Variants in ATRX observed in about 807,000 individuals in gnomAD.
ATRX encodes ATRX chromatin remodeler, also known as chromatin remodeler ATRX.
ATRX carries 12 observed loss-of-function variants against 172.6 expected under a neutral mutation model. That is an observed-to-expected ratio of 0.07 (90% confidence interval 0.04 to 0.11). The LOEUF is 0.11. ATRX is among the 10% of genes least tolerant of loss of function. The pLI, the probability that ATRX is intolerant of heterozygous loss-of-function variation, is 1.00. For synonymous variants in ATRX, 674 were observed against 594.7 expected (o/e 1.13, Z -1.94); for missense variants, 1,368 against 1,767.4 (o/e 0.77, Z 4.05).
intron 22 of ATRX, among the ~76,000 whole-genome samples, chrX:77,610,325 T>C (rs1432840356): frequency 8.9e-6 from 1 of 112,041 alleles, no homozygotes; most frequent in Non-Finnish European, 1.9e-5. Context: ...GAGAAAGCCA[T>C]TGAGTTTTAC....
At chrX:77,568,109 A>G (rs1231548173) in intron 28 of ATRX, among the ~76,000 whole-genome samples, 1 of 110,265 alleles carries the variant, frequency 9.1e-6, no homozygotes, top group Non-Finnish European at 1.9e-5. Context: ...CTACCTCCAG[A>G]AAGTAGAACA....
intron 2 of ATRX, among the ~76,000 whole-genome samples, chrX:77,712,376 T>C (rs1250862129): frequency 7.1e-5 from 8 of 112,354 alleles, no homozygotes; most frequent in African/African-American, 2.3e-4. Context: ...GTTCCTCAAC[T>C]AGTGAACACA....
intron 12 of ATRX, among the ~76,000 whole-genome samples, chrX:77,659,774 T>C (rs1345819872): frequency 2.7e-5 from 3 of 111,949 alleles, no homozygotes; most frequent in African/African-American, 9.7e-5. Flanking sequence ...ACCTCTTCAA[T>C]GCATTTCAAT....
intron 15 of ATRX, among the ~76,000 whole-genome samples, chrX:77,642,896 A>G (rs1157613166): frequency 2.7e-5 from 3 of 111,330 alleles, no homozygotes; most frequent in African/African-American, 9.8e-5. Flanking sequence ...AACTAGGCCT[A>G]GACAGGAGAA....
At chrX:77,656,717 T>A in intron 12 of ATRX, 64 bp from the exon 13 acceptor site, 1 of 907,828 alleles carries the variant, frequency 1.1e-6, no homozygotes, top group South Asian at 2.2e-5. Flanking sequence ...ATTCACTTAA[T>A]TTACCACTGA....
chrX:77,546,136 T>C (rs1262858820), intron 30 of ATRX, among the ~76,000 whole-genome samples: 1 of 111,509 alleles, frequency 9.0e-6, no homozygotes, highest in Non-Finnish European at 1.9e-5. Flanking sequence ...GATAGTATAG[T>C]GTAATGGTTA....
intron 1 of ATRX, among the ~76,000 whole-genome samples, chrX:77,746,849 A>T (rs1557185201): frequency 9.0e-6 from 1 of 111,186 alleles, no homozygotes; most frequent in Non-Finnish European, 1.9e-5. Context: ...CCCAGGCTGG[A>T]GTTGCAGTGG....
At chrX:77,554,115 G>A (rs782604868) in intron 30 of ATRX, among the ~76,000 whole-genome samples, 1 of 111,027 alleles carries the variant, frequency 9.0e-6, no homozygotes, top group Admixed American at 9.6e-5. Context: ...GACCAGCCTG[G>A]CCAACATGGT....
chrX:77,772,809 T>C (rs1227211706), intron 1 of ATRX, among the ~76,000 whole-genome samples: 2 of 109,685 alleles, frequency 1.8e-5, no homozygotes, highest in African/African-American at 6.6e-5. Flanking sequence ...TTTTAATGGT[T>C]AAAATGCTAA....
intron 30 of ATRX, among the ~76,000 whole-genome samples, chrX:77,534,269 G>A (rs2063679589): frequency 8.9e-6 from 1 of 111,791 alleles, no homozygotes; most frequent in African/African-American, 3.2e-5. Context: ...GATACAAACT[G>A]TTTCTAAATC....
chrX:77,647,171 G>A (rs1557114248), intron 15 of ATRX, among the ~76,000 whole-genome samples: 1 of 111,491 alleles, frequency 9.0e-6, no homozygotes, highest in African/African-American at 3.3e-5. Flanking sequence ...AGTAACTAAA[G>A]GATCAAGTAA....
chrX:77,646,376 T>C (rs1201825477), intron 15 of ATRX, among the ~76,000 whole-genome samples: 1 of 111,370 alleles, frequency 9.0e-6, no homozygotes, highest in Admixed American at 9.6e-5. Context: ...AAATAGGATA[T>C]TATGTATTGA....
intron 1 of ATRX, among the ~76,000 whole-genome samples, chrX:77,779,718 G>C (rs1403717310): frequency 8.9e-6 from 1 of 112,233 alleles, no homozygotes; most frequent in Non-Finnish European, 1.9e-5. Flanking sequence ...GCCCCAAATT[G>C]ATACTTAAGT....
chrX:77,703,683 G>C (rs966831436), intron 2 of ATRX, among the ~76,000 whole-genome samples: 1 of 112,333 alleles, frequency 8.9e-6, no homozygotes, highest in Non-Finnish European at 1.9e-5. Context: ...TTGTGTTACA[G>C]CTATTTTAGC....
intron 15 of ATRX, among the ~76,000 whole-genome samples, chrX:77,647,980 C>T (rs1349770301): frequency 9.0e-5 from 10 of 111,535 alleles, no homozygotes; most frequent in African/African-American, 2.9e-4. Flanking sequence ...ATGATGATGT[C>T]GTTACCATTA....
intron 34 of ATRX, among the ~76,000 whole-genome samples, chrX:77,518,779 C>CA (rs200311713): frequency 0.018 from 1,963 of 111,805 alleles, 23 homozygotes; most frequent in Middle Eastern, 0.028. Context: ...GTAACCAAAA[C>CA]AGCATGGTAC....
chrX:77,781,897 G>A (rs1254282630), intron 1 of ATRX, among the ~76,000 whole-genome samples: 1 of 111,968 alleles, frequency 8.9e-6, no homozygotes, highest in East Asian at 2.8e-4. Context: ...GACCCCAAAA[G>A]TGAAAAAGAC....
At chrX:77,567,596 C>T (rs1190717763) in intron 28 of ATRX, among the ~76,000 whole-genome samples, 45 of 109,130 alleles carry the variant, frequency 4.1e-4, no homozygotes, top group Non-Finnish European at 2.5e-4. Context: ...GAAGGAGAAA[C>T]AGAAAAATCC....
chrX:77,742,925 G>T (rs1387002455), intron 1 of ATRX, among the ~76,000 whole-genome samples: 2 of 111,572 alleles, frequency 1.8e-5, no homozygotes, highest in African/African-American at 6.5e-5. Context: ...AACAAGACAC[G>T]ATGCAGGATC....
Sources: allele counts gnomAD v4.1 joint callset (sites outside exome capture counted in the v4.1 genomes callset), GRCh38; gene constraint gnomAD v4.1.1; transcripts MANE v1.5; gene names NCBI Gene and HGNC (gene_info 2026-07-23, HGNC 2026-07-21).